Variants in STAT4 observed in about 807,000 individuals in gnomAD.
STAT4 encodes the protein signal transducer and activator of transcription 4.
A neutral mutation model predicts 110.5 loss-of-function variants in STAT4; 42 were observed. The observed-to-expected ratio is 0.38, with a 90% confidence interval of 0.30 to 0.49. The LOEUF is 0.49. Ranked by LOEUF, STAT4 falls within the 20% of genes least tolerant of loss-of-function variation. The pLI, the probability that STAT4 is intolerant of heterozygous loss-of-function variation, is 0.95. For missense variants in STAT4, 632 were observed against 887.9 expected (o/e 0.71, Z 3.66); for synonymous variants, 284 against 302.2 (o/e 0.94, Z 0.63).
At chr2:191,034,401 T>C (rs879046305) in intron 18 of STAT4, 147 bp downstream of exon 18, 85 of 599,592 alleles carry the variant, frequency 1.4e-4, no homozygotes, top group South Asian at 2.4e-4. Flanking sequence ...CCAGCCTGGG[T>C]GACAGAGCAA....
In STAT4 at chr2:191,033,656, G is replaced by C; in HGVS notation, c.1716-30C>G. The C allele has an allele frequency of 6.2e-7, 1 of 1,602,454 alleles. No homozygotes were observed. The highest frequency in any genetic ancestry group is 8.5e-7 in the Non-Finnish European group (1 of 1,175,880). ...AAATAGAACATGCATTATTTCATCTGATCATTATTGGATTTTCACTTATTG... is the reference window on the plus strand; with the variant it reads ...AAATAGAACATGCATTATTTCATCTCATCATTATTGGATTTTCACTTATTG... On this transcript the variant is annotated intron_variant, in intron 19 of 23. Coordinates refer to ENST00000392320, the MANE Select transcript of STAT4 (RefSeq NM_003151.4). The surrounding 1 kb of genome is among the most constrained non-coding windows in gnomAD (Gnocchi z 6.9).
chr2:191,124,704 T>C (rs1287659535), intron 3 of STAT4, among the ~76,000 whole-genome samples: 1 of 152,204 alleles, frequency 6.6e-6, no homozygotes, highest in Non-Finnish European at 1.5e-5. Context: ...TGTGCATCAA[T>C]ATCTGTGTCT....
At chr2:191,129,937 C>T (rs144252074) in intron 3 of STAT4, among the ~76,000 whole-genome samples, 91 of 152,156 alleles carry the variant, frequency 6.0e-4, no homozygotes, top group African/African-American at 2.1e-3. Flanking sequence ...TTGACATTTT[C>T]GTGCTTTTAA....
Position 191,077,068 on chromosome 2 carries a change from T to C in STAT4, c.274-743A>G, listed in dbSNP as rs1381888145. Among the ~76,000 whole-genome samples the C allele has an allele frequency of 6.6e-6, 1 of 152,218 alleles. No individual in the cohort carries two copies. Among genetic ancestry groups the C allele is most frequent in the Admixed American group, 6.5e-5 (1 of 15,280 alleles). On this transcript the variant is annotated intron_variant, in intron 3 of 23. Transcript: ENST00000392320. The surrounding 1 kb of genome is among the most constrained non-coding windows in gnomAD (Gnocchi z 4.1). ...GTCAACTAGCTCATAGCTGCATTAG[T>C]ATACTAGAGTGAAACTATATGATAC...
chr2:191,085,659 G>T (rs1057165982), intron 3 of STAT4, among the ~76,000 whole-genome samples: 1 of 152,052 alleles, frequency 6.6e-6, no homozygotes, highest in African/African-American at 2.4e-5. Flanking sequence ...TTCAAAATTG[G>T]TTCAAAGTCA....
intron 3 of STAT4, among the ~76,000 whole-genome samples, chr2:191,125,476 T>TTTTTTATTATTATTA (rs141291456): frequency 3.6e-5 from 5 of 138,000 alleles, no homozygotes; most frequent in South Asian, 2.5e-4. Context: ...ATCCTCATTA[T>TTTTTTATTATTATTA]TTATTATTAT....
Position 191,041,064 on chromosome 2 carries a change from C to A in STAT4, c.1335+1G>T. On this transcript the variant is annotated splice_donor_variant, in intron 15 of 23. Transcript: ENST00000392320. LOFTEE classifies it high-confidence loss of function. ...ATAGTGTATGTTCTTGAAACACCTA[C>A]CTCCAAATCTATGGTCAGGCCATAG... 1 of 1,442,802 alleles carries A rather than the reference C, an allele frequency of 6.9e-7. No individual in the cohort carries two copies. Among genetic ancestry groups the A allele is most frequent in the Non-Finnish European group, 9.2e-7 (1 of 1,091,964 alleles). 89.4% of individuals were successfully genotyped at this position (1,442,802 alleles called of 1,614,324 possible).
At chr2:191,126,608 T>A (rs1039392420) in intron 3 of STAT4, among the ~76,000 whole-genome samples, 11 of 152,192 alleles carry the variant, frequency 7.2e-5, no homozygotes, top group Non-Finnish European at 7.3e-5. Flanking sequence ...AAATCTCATT[T>A]TTTTTTCCTG....
At chr2:191,133,624 T>C (rs1235759257) in intron 3 of STAT4, among the ~76,000 whole-genome samples, 1 of 151,788 alleles carries the variant, frequency 6.6e-6, no homozygotes, top group Non-Finnish European at 1.5e-5. Flanking sequence ...TTCTTTGCAC[T>C]TTTTGTGTTG....
chr2:191,048,347 G>A (rs1480268786), intron 14 of STAT4, among the ~76,000 whole-genome samples: 1 of 152,112 alleles, frequency 6.6e-6, no homozygotes, highest in Non-Finnish European at 1.5e-5. Context: ...ACCAAATAAA[G>A]CATTATTAAT....
chr2:191,067,103 C>T (rs1697012086), intron 6 of STAT4, among the ~76,000 whole-genome samples: 1 of 149,782 alleles, frequency 6.7e-6, no homozygotes. Flanking sequence ...GTAAAACTAG[C>T]AGTGGGCCAG....
chr2:191,111,378 T>G (rs1226720437), intron 3 of STAT4, among the ~76,000 whole-genome samples: 2 of 152,234 alleles, frequency 1.3e-5, no homozygotes, highest in Non-Finnish European at 2.9e-5. Flanking sequence ...TATAATTTGC[T>G]TTTTCAGTTC....
chr2:191,118,504 GATAAC>G (rs1409272672), intron 3 of STAT4, among the ~76,000 whole-genome samples: 2 of 151,998 alleles, frequency 1.3e-5, no homozygotes, highest in African/African-American at 4.8e-5. Context: ...TTTTTCATTT[GATAAC>G]ATAATATAGT....
Position 191,050,335 on chromosome 2 carries a change from G to A in STAT4, c.1251+4155C>T, listed in dbSNP as rs183204138. On this transcript the variant is annotated intron_variant, in intron 14 of 23. Transcript: ENST00000392320. This position sits in a 1 kb window ranked among gnomAD's most constrained non-coding sequence, Gnocchi z 4.3. ...GCCTCAAAGTCTGGCCACTTTCTAG[G>A]TGATGAAATTGTTTATTCACATTGA... Among the ~76,000 whole-genome samples, 10 of 152,300 alleles carry A rather than the reference G, an allele frequency of 6.6e-5. No individual in the cohort carries two copies. In the East Asian group the frequency reaches 1.9e-3, roughly 29 times the overall value.
At chr2:191,079,860 T>C (rs1014376943) in intron 3 of STAT4, among the ~76,000 whole-genome samples, 8 of 152,166 alleles carry the variant, frequency 5.3e-5, no homozygotes, top group Admixed American at 2.0e-4. Context: ...AGCATATTAA[T>C]ATCTTGTAAA....
chr2:191,108,671 A>G (rs1452910040), intron 3 of STAT4, among the ~76,000 whole-genome samples: 1 of 152,232 alleles, frequency 6.6e-6, no homozygotes, highest in Non-Finnish European at 1.5e-5. Flanking sequence ...TTTGGTCAAC[A>G]TCAGCAAAAC....
At position 191,094,917 on chromosome 2, in the gene STAT4, C is replaced by CAAAAAA. The variant is rs1165913847; in HGVS notation, c.274-18598_274-18593dup. Among the ~76,000 whole-genome samples the CAAAAAA allele has an allele frequency of 9.4e-4, 73 of 77,900 alleles. 1 individual carries two copies. The highest frequency in any genetic ancestry group is 1.1e-3 in the African/African-American group (19 of 17,102). 51.1% of individuals were successfully genotyped at this position (77,900 alleles called of 152,430 possible). A position where few individuals can be genotyped will look rare whatever the true frequency, so the allele number is the denominator to read the frequency against. The stretch of plus-strand genomic sequence containing the variant: ...GAAGATCTACCAAGCAAATGGAAAG[C>CAAAAAA]AAAAAAAAAAAAAAAAAAAAAGTAG... On this transcript the variant is annotated intron_variant, in intron 3 of 23. Transcript: ENST00000392320.
Position 191,150,487 on chromosome 2 carries a change from T to C in STAT4, c.-2+460A>G, listed in dbSNP as rs929335363. ...CCGCTTTGGCTCTGTGGCCTGTAGC[T>C]TGCAAAAGGAGATGACCTGCCCTAA... On this transcript the variant is annotated intron_variant, in intron 1 of 23. Coordinates refer to ENST00000392320, the MANE Select transcript of STAT4 (RefSeq NM_003151.4). The surrounding 1 kb of genome is among the most constrained non-coding windows in gnomAD (Gnocchi z 6.4). 6.6e-6 allele frequency among the ~76,000 whole-genome samples: 1 copy of C among 152,210 alleles called. No homozygotes were observed. The highest frequency in any genetic ancestry group is 1.5e-5 in the Non-Finnish European group (1 of 68,026).
In STAT4 at chr2:191,107,566, G is replaced by T. The variant is rs1192483108; in HGVS notation, c.274-31241C>A. ...CATGTTGCTAATAAATCTGAGGCAG[G>T]GTTTTAACCCCAGGTATCTGATCTG... On this transcript the variant is annotated intron_variant, in intron 3 of 23. Transcript: ENST00000392320. This position sits in a 1 kb window ranked among gnomAD's most constrained non-coding sequence, Gnocchi z 4.2. Among the ~76,000 whole-genome samples the T allele has an allele frequency of 6.6e-6, 1 of 152,076 alleles. No homozygotes were observed. The highest frequency in any genetic ancestry group is 1.5e-5 in the Non-Finnish European group (1 of 68,012).
Sources: allele counts gnomAD v4.1 joint callset (sites outside exome capture counted in the v4.1 genomes callset), GRCh38; gene constraint gnomAD v4.1.1; non-coding constraint Gnocchi (gnomAD v3.1); transcripts MANE v1.5; gene names NCBI Gene and HGNC (gene_info 2026-07-23, HGNC 2026-07-21).